NKAIN2: variants seen among roughly 807,000 people sequenced by gnomAD.
NKAIN2 encodes the protein sodium/potassium transporting ATPase interacting 2, also known as sodium/potassium-transporting ATPase subunit beta-1-interacting protein 2.
Under a neutral mutation model 32.6 loss-of-function variants are expected in NKAIN2, and 14 were observed. That is an observed-to-expected ratio of 0.43 (90% confidence interval 0.28 to 0.67). NKAIN2 has a LOEUF of 0.67. NKAIN2 is among the 30% of genes least tolerant of loss of function. The probability of loss-of-function intolerance (pLI) is 0.17; values close to 1 mark genes in which losing one functional copy is unlikely to be tolerated. For synonymous variants in NKAIN2, 80 were observed against 87.2 expected, an observed-to-expected ratio of 0.92 and a Z score of 0.46; for missense variants, 198 against 258.3, an observed-to-expected ratio of 0.77 and a Z score of 1.60.
At chr6:124,757,360 A>G (rs1216355534) in intron 4 of NKAIN2, among the ~76,000 whole-genome samples, 1 of 151,948 alleles carries the variant, frequency 6.6e-6, no homozygotes, top group East Asian at 1.9e-4. Context: ...CATTCCTGTC[A>G]CTCTCATATA....
intron 1 of NKAIN2, among the ~76,000 whole-genome samples, chr6:124,176,839 T>A (rs1789180744): frequency 6.6e-6 from 1 of 152,130 alleles, no homozygotes; most frequent in Non-Finnish European, 1.5e-5. Context: ...TTTGTTAACA[T>A]CTCATACATT....
rs1182926065 is a variant in NKAIN2 at position 123,934,187 on chromosome 6, T to C, written c.54+129933T>C. 2.0e-5 allele frequency among the ~76,000 whole-genome samples: 3 copies of C among 152,186 alleles called. No individual in the cohort carries two copies. In the South Asian group the frequency reaches 6.2e-4, roughly 32 times the overall value. On this transcript the variant is annotated intron_variant, in intron 1 of 6. Transcript: ENST00000368417. ...GGCTAGCATTAGAAGATCTTTATAA[T>C]CAATTCCTTAACTACTTGCTTAATT...
chr6:124,556,069 T>TTA (rs545356503), intron 3 of NKAIN2, among the ~76,000 whole-genome samples: 1,384 of 134,662 alleles, frequency 0.01, 8 homozygotes, highest in Middle Eastern at 0.019. Context: ...GCCCATTATA[T>TTA]TATAGAGTTT....
intron 4 of NKAIN2, among the ~76,000 whole-genome samples, chr6:124,727,872 G>A (rs1255865427): frequency 6.7e-6 from 1 of 148,370 alleles, no homozygotes; most frequent in Non-Finnish European, 1.5e-5. Context: ...GATCTACCAA[G>A]CAAACGGAAA....
intron 1 of NKAIN2, among the ~76,000 whole-genome samples, chr6:123,998,741 C>CTGTG (rs530702348): frequency 0.024 from 3,190 of 132,530 alleles, 43 homozygotes; most frequent in Middle Eastern, 0.073. Context: ...CTCTCTCTCT[C>CTGTG]TCTGTGTGTG....
At chr6:123,928,696 A>C (rs1465214199) in intron 1 of NKAIN2, among the ~76,000 whole-genome samples, 1 of 152,168 alleles carries the variant, frequency 6.6e-6, no homozygotes, top group East Asian at 1.9e-4. Context: ...CCACTTTGTA[A>C]AAACAATCTG....
chr6:124,807,333 A>T (rs1326904186), intron 5 of NKAIN2, among the ~76,000 whole-genome samples: 6 of 151,182 alleles, frequency 4.0e-5, no homozygotes, highest in East Asian at 3.9e-4. Flanking sequence ...GGATTAAGAA[A>T]CTCACTCAAA....
chr6:124,555,128 C>T lies in NKAIN2; in HGVS notation c.274-103058C>T, dbSNP rs6938528. Among the ~76,000 whole-genome samples the T allele has an allele frequency of 7.0e-3, 1,067 of 152,328 alleles. 10 individuals are homozygous for T. The highest frequency in any genetic ancestry group is 0.024 in the African/African-American group (1,004 of 41,566). The stretch of plus-strand genomic sequence containing the variant: ...TGTTTCCCAGCCAGAATCTCAACTT[C>T]TTTCTAGGCCCTTCCTGGGCTACAT... On this transcript the variant is annotated intron_variant, in intron 3 of 6. Transcript: ENST00000368417.
intron 3 of NKAIN2, among the ~76,000 whole-genome samples, chr6:124,548,026 G>A (rs1392106743): frequency 1.3e-5 from 2 of 152,060 alleles, no homozygotes; most frequent in Admixed American, 6.6e-5. Flanking sequence ...TGTGAAATTT[G>A]CAGTAAAATC....
chr6:124,797,842 GA>G (rs558667397), intron 5 of NKAIN2, among the ~76,000 whole-genome samples: 201 of 151,830 alleles, frequency 1.3e-3, no homozygotes, highest in Non-Finnish European at 1.0e-3. Context: ...ATTTCCCCTT[GA>G]AAAAAATATT....
chr6:124,207,883 T>G (rs1790975038), intron 1 of NKAIN2, among the ~76,000 whole-genome samples: 1 of 151,958 alleles, frequency 6.6e-6, no homozygotes, highest in African/African-American at 2.4e-5. Context: ...CAATTAAATA[T>G]TAATTTTGCT....
intron 1 of NKAIN2, among the ~76,000 whole-genome samples, chr6:123,995,880 C>T (rs1334367417): frequency 6.6e-6 from 1 of 152,094 alleles, no homozygotes; most frequent in African/African-American, 2.4e-5. Context: ...ATTATTATTA[C>T]TGTCATTGTT....
intron 1 of NKAIN2, among the ~76,000 whole-genome samples, chr6:123,966,174 C>T (rs920092036): frequency 6.6e-6 from 1 of 152,136 alleles, no homozygotes; most frequent in African/African-American, 2.4e-5. Flanking sequence ...TTTGGTGATT[C>T]CTCTTTTGTC....
At chr6:124,386,233 G>A (rs1275709058) in intron 3 of NKAIN2, among the ~76,000 whole-genome samples, 4 of 152,210 alleles carry the variant, frequency 2.6e-5, no homozygotes, top group East Asian at 3.9e-4. Flanking sequence ...CGCTGGTAAC[G>A]CCTTCCTGGA....
chr6:124,434,369 A>G (rs1775347157), intron 3 of NKAIN2, among the ~76,000 whole-genome samples: 1 of 152,156 alleles, frequency 6.6e-6, no homozygotes, highest in South Asian at 2.1e-4. Context: ...AGCTAGGGAA[A>G]TGTATTTCTA....
chr6:123,923,830 T>G (rs1048420482), intron 1 of NKAIN2, among the ~76,000 whole-genome samples: 64 of 146,926 alleles, frequency 4.4e-4, no homozygotes, highest in Non-Finnish European at 5.1e-4. Flanking sequence ...TTGGGAGATA[T>G]ACCTAATGCT....
chr6:124,023,319 T>A (rs549650559), intron 1 of NKAIN2, among the ~76,000 whole-genome samples: 35 of 152,162 alleles, frequency 2.3e-4, no homozygotes, highest in Non-Finnish European at 3.8e-4. Flanking sequence ...TTCCTTGATT[T>A]CCTTCCTCTC....
chr6:123,850,700 G>T (rs1041567330), intron 1 of NKAIN2, among the ~76,000 whole-genome samples: 3 of 152,118 alleles, frequency 2.0e-5, no homozygotes, highest in Non-Finnish European at 4.4e-5. Flanking sequence ...GCGAATGAAC[G>T]TATGCATTAC....
At chr6:124,045,586 G>A (rs1782082494) in intron 1 of NKAIN2, among the ~76,000 whole-genome samples, 3 of 151,900 alleles carry the variant, frequency 2.0e-5, no homozygotes, top group African/African-American at 7.2e-5. Flanking sequence ...TCAAAATTAA[G>A]CACTTAATGC....
Sources: gnomAD v4.1 joint callset for allele counts (sites outside exome capture counted in the v4.1 genomes callset) on GRCh38, gnomAD v4.1.1 for gene constraint, MANE v1.5 for transcripts, NCBI Gene and HGNC (gene_info 2026-07-23, HGNC 2026-07-21) for gene names.